FLNB: variants seen among roughly 807,000 people sequenced by gnomAD.
FLNB encodes filamin-B.
FLNB carries 111 observed loss-of-function variants against 250.6 expected under a neutral mutation model. The ratio of observed to expected loss-of-function variants is 0.44; its 90% CI spans 0.38 to 0.52. The LOEUF is 0.52. Among genes scored for constraint, FLNB ranks in the 20% least tolerant of loss-of-function variants. FLNB has a pLI of 0.00. For synonymous variants in FLNB, 1,302 were observed against 1,372.1 expected, an observed-to-expected ratio of 0.95 and a Z score of 1.13; for missense variants, 2,869 against 3,447.8, an observed-to-expected ratio of 0.83 and a Z score of 4.20.
In FLNB at chr3:58,123,124, G is replaced by A; in HGVS notation, c.3158G>A (p.Gly1053Asp). 6.2e-7 allele frequency: 1 copy of A among 1,614,196 alleles called. No homozygotes were observed. The highest frequency in any genetic ancestry group is 8.5e-7 in the Non-Finnish European group (1 of 1,180,030). ...GCCCACGGTCCCGGCCTCGAAGGTG[G>A]TCTCGTGGGCAAGCCTGCCGAGTTC... ...VKAHGPGLEGGLVGKPAEFTI... is the reference protein window; with the variant it reads ...VKAHGPGLEGDLVGKPAEFTI... The change falls in exon 21 of 46, where the codon GGT becomes GAT. Residue 1053 changes from glycine (G) to aspartate (D), a missense_variant. By Grantham distance (94) the Gly-to-Asp change is moderately conservative (BLOSUM62 -1). Around this residue, in one of 5 missense-constraint regions of FLNB, gnomAD observed 1,348 missense variants for 1,466.7 expected, o/e 0.92. Coordinates refer to ENST00000295956, the MANE Select transcript of FLNB (RefSeq NM_001457.4).
At position 58,146,919 on chromosome 3, in the gene FLNB, C is replaced by G. The variant is rs1160888875; in HGVS notation, c.5654C>G (p.Pro1885Arg). The change falls in exon 34 of 46, where the codon CCA becomes CGA. Residue 1885 changes from proline to arginine, a missense_variant. Transcript: ENST00000295956. ...ACAGTGACCTACCTGCCGACTCTGC[C>G]AGGCGACTACAGCATTCTGGTCAAG... Reference protein sequence around the residue: ...TCTVTYLPTLPGDYSILVKYN... With the variant: ...TCTVTYLPTLRGDYSILVKYN... The G allele has an allele frequency of 3.7e-6, 6 of 1,614,084 alleles. No homozygotes were observed. The East Asian group carries it at 1.3e-4, about 36-fold the overall frequency.
Position 58,138,645 on chromosome 3 carries a change from T to A in FLNB, c.5109+116T>A, listed in dbSNP as rs2097320762. On this transcript the variant is annotated intron_variant, in intron 29 of 45. Transcript: ENST00000295956. Reference sequence around the variant, plus strand: ...ACCTTTTTTTTCCTTTGGAAAAAAATTTGTTAAGCAGTCATGACCTTGTAG... The same window carrying A: ...ACCTTTTTTTTCCTTTGGAAAAAAAATTGTTAAGCAGTCATGACCTTGTAG... 13 of 1,354,134 alleles carry A rather than the reference T, an allele frequency of 9.6e-6. No homozygotes were observed. The South Asian group carries it at 1.3e-4, about 13-fold the overall frequency. 83.9% of individuals were successfully genotyped at this position (1,354,134 alleles called of 1,614,324 possible). A position where few individuals can be genotyped will look rare whatever the true frequency, so the allele number is the denominator to read the frequency against.
chr3:58,113,690 AT>A (rs1336741711), intron 18 of FLNB, among the ~76,000 whole-genome samples: 1 of 152,170 alleles, frequency 6.6e-6, no homozygotes, highest in African/African-American at 2.4e-5. Flanking sequence ...TTATTTATTT[AT>A]TTTTTAGACA....
rs147536166 is a variant in FLNB at position 58,070,682 on chromosome 3, C to T, written c.293-6364C>T. Among the ~76,000 whole-genome samples the T allele has an allele frequency of 8.1e-5, 11 of 136,190 alleles. No homozygotes were observed. In the East Asian group the frequency reaches 1.1e-3, roughly 14 times the overall value. 89.3% of individuals were successfully genotyped at this position (136,190 alleles called of 152,430 possible). Reference sequence around the variant, plus strand: ...TCTCTTTTTTTTTTTTTTTTTGAAACGGAGTCTCACTCGGTCACCCAGGCT... The same window carrying T: ...TCTCTTTTTTTTTTTTTTTTTGAAATGGAGTCTCACTCGGTCACCCAGGCT... On this transcript the variant is annotated intron_variant, in intron 1 of 45. Coordinates refer to ENST00000295956, the MANE Select transcript of FLNB (RefSeq NM_001457.4).
At chr3:58,117,496 GCC>G in intron 18 of FLNB, among the ~76,000 whole-genome samples, 2 of 152,314 alleles carry the variant, frequency 1.3e-5, no homozygotes, top group Middle Eastern at 6.8e-3. Context: ...CCTCTGGTTA[GCC>G]TGAGGTCTGC....
At chr3:58,070,719 G>A (rs1380427668) in intron 1 of FLNB, among the ~76,000 whole-genome samples, 1 of 150,296 alleles carries the variant, frequency 6.7e-6, no homozygotes, top group Non-Finnish European at 1.5e-5. Context: ...GAGTGCAGTG[G>A]TGCTATCTTG....
At chr3:58,082,372 C>T (rs1174321485) in intron 4 of FLNB, among the ~76,000 whole-genome samples, 1 of 152,182 alleles carries the variant, frequency 6.6e-6, no homozygotes, top group East Asian at 1.9e-4. Context: ...AGTTACATGG[C>T]TGCAAAGTGT....
At chr3:58,125,512 T>C in intron 22 of FLNB, 69 bp from the exon 23 acceptor site, 1 of 1,546,376 alleles carries the variant, frequency 6.5e-7, no homozygotes, top group Non-Finnish European at 8.9e-7. Context: ...AACTCTGAAG[T>C]AGAGAATCAT....
At chr3:58,023,816 T>G (rs1389297783) in intron 1 of FLNB, among the ~76,000 whole-genome samples, 2 of 152,194 alleles carry the variant, frequency 1.3e-5, no homozygotes, top group Non-Finnish European at 1.5e-5. Flanking sequence ...CTCTTAAAAG[T>G]TTTTAGGACC....
intron 2 of FLNB, 86 bp downstream of exon 2, chr3:58,077,380 C>T: frequency 6.6e-7 from 1 of 1,507,400 alleles, no homozygotes. Context: ...GGAATGCTAT[C>T]TTTGCTTTGA....
chr3:58,126,579 A>C (rs376028785), intron 23 of FLNB, 23 bp from the exon 24 acceptor site: 1 of 1,612,558 alleles, frequency 6.2e-7, no homozygotes, highest in South Asian at 1.1e-5. Flanking sequence ...TGCACATTTC[A>C]CTTTCTTTTC....
At chr3:58,107,010 C>CAT in intron 12 of FLNB, 137 bp downstream of exon 12, 2 of 730,498 alleles carry the variant, frequency 2.7e-6, no homozygotes, top group South Asian at 3.0e-5. Context: ...AACAGGCCTG[C>CAT]ATTTGTTTGT....
In FLNB at chr3:58,148,222, C is replaced by A; in HGVS notation, c.5745C>A (p.Cys1915Ter). The change falls in exon 35 of 46, where the codon TGC becomes TGA. Residue 1915 changes from cysteine (C) to a stop codon, truncating the protein, a stop_gained. Coordinates refer to ENST00000295956, the MANE Select transcript of FLNB (RefSeq NM_001457.4). LOFTEE classifies it high-confidence loss of function. ...GTTTCCCAGATGACAGCAGGCGGTG[C>A]TCCCAGGTGAAGTTGGGCTCAGCCG... Reference protein sequence around the residue: ...TAKITDDSRRCSQVKLGSAAD... With the variant: ...TAKITDDSRR 2 of 1,614,232 alleles carry A rather than the reference C, an allele frequency of 1.2e-6. No homozygotes were observed. Among genetic ancestry groups the A allele is most frequent in the Non-Finnish European group, 1.7e-6 (2 of 1,180,042 alleles).
chr3:58,045,389 C>T (rs908569184), intron 1 of FLNB, among the ~76,000 whole-genome samples: 1 of 152,212 alleles, frequency 6.6e-6, no homozygotes, highest in African/African-American at 2.4e-5. Flanking sequence ...AGACTGCAGG[C>T]TGTAGGCAGC....
At position 58,037,341 on chromosome 3, in the gene FLNB, AG is replaced by A. The variant is rs549585167; in HGVS notation, c.292+28487del. On this transcript the variant is annotated intron_variant, in intron 1 of 45. Transcript: ENST00000295956. ...TGGCCTCCCAAAGTGCTAGGATTAT[AG>A]GCGTAAGCCACCACGCCTGGCCGAC... 2.0e-4 allele frequency among the ~76,000 whole-genome samples: 30 copies of A among 152,326 alleles called. No homozygotes were observed. In the South Asian group the frequency reaches 6.2e-3, roughly 32 times the overall value.
rs148598263 is a variant in FLNB, at chr3:58,128,226, T to TC, written c.4222+1469dup. ...ACGCTTTCCTGATTCCATTCCTGCT[T>TC]CCCCCTTACCACATGGAAATGTGCA... On this transcript the variant is annotated intron_variant, in intron 24 of 45. Transcript: ENST00000295956. 2.9e-3 allele frequency among the ~76,000 whole-genome samples: 444 copies of TC among 152,100 alleles called. 5 individuals are homozygous for TC. Among genetic ancestry groups the TC allele is most frequent in the African/African-American group, 0.01 (428 of 41,474 alleles).
At chr3:58,070,737 G>A (rs1032467518) in intron 1 of FLNB, among the ~76,000 whole-genome samples, 8 of 148,660 alleles carry the variant, frequency 5.4e-5, no homozygotes, top group Non-Finnish European at 3.0e-5. Context: ...TTGGCTCACT[G>A]CAACCTCTGC....
At position 58,146,057 on chromosome 3, in the gene FLNB, G is replaced by C; in HGVS notation, c.5554+8G>C. ...CAGAGGATGCAGGAGAAGGTACTGT[G>C]TGGTTTACGTGTTTATACGCCTCCA... On this transcript the variant is annotated splice_region_variant and intron_variant, in intron 33 of 45. Transcript: ENST00000295956. 6.2e-7 allele frequency: 1 copy of C among 1,614,172 alleles called. No homozygotes were observed. The highest frequency in any genetic ancestry group is 8.5e-7 in the Non-Finnish European group (1 of 1,180,028).
At chr3:58,127,027 G>C (rs899600757) in intron 24 of FLNB, among the ~76,000 whole-genome samples, 1 of 152,140 alleles carries the variant, frequency 6.6e-6, no homozygotes, top group Non-Finnish European at 1.5e-5. Context: ...GGGAAAGCTG[G>C]TTCTTTACAA....
Sources: allele counts gnomAD v4.1 joint callset (sites outside exome capture counted in the v4.1 genomes callset), GRCh38; gene constraint gnomAD v4.1.1; regional missense constraint gnomAD v4.1.1; transcripts MANE v1.5; gene names NCBI Gene and HGNC (gene_info 2026-07-23, HGNC 2026-07-21).